Variants in B3GALT5 observed in about 807,000 individuals in gnomAD.
B3GALT5 encodes UDP-Gal:betaGlcNAc beta 1,3-galactosyltransferase, polypeptide 5.
For missense variants in B3GALT5, 328 were observed against 396.6 expected (o/e 0.83, Z 1.47); for synonymous variants, 156 against 158.6 (o/e 0.98, Z 0.12).
intron 1 of B3GALT5, among the ~76,000 whole-genome samples, chr21:39,618,772 T>G (rs1569205269): frequency 6.6e-6 from 1 of 152,198 alleles, no homozygotes; most frequent in Admixed American, 6.5e-5. Flanking sequence ...AGGTTTTCAT[T>G]TTTAATTTGG....
At chr21:39,642,873 C>CAAAAAAAAAAA (rs1210751363) in intron 1 of B3GALT5, among the ~76,000 whole-genome samples, 1 of 100,090 alleles carries the variant, frequency 1.0e-5, no homozygotes, top group African/African-American at 3.3e-5. Context: ...CCCATTGCCA[C>CAAAAAAAAAAA]AAAAAAAAAA....
intron 2 of B3GALT5, among the ~76,000 whole-genome samples, chr21:39,657,037 C>T (rs1569220123): frequency 6.6e-6 from 1 of 151,922 alleles, no homozygotes; most frequent in Non-Finnish European, 1.5e-5. Flanking sequence ...GAGCCTGCAG[C>T]AGGCAGAGGC....
At chr21:39,649,973 C>T (rs920754384) in intron 2 of B3GALT5, among the ~76,000 whole-genome samples, 25 of 152,286 alleles carry the variant, frequency 1.6e-4, no homozygotes, top group African/African-American at 5.5e-4. Flanking sequence ...AGACCTCACG[C>T]ACCACCCTGC....
chr21:39,613,306 C>A (rs1246659486), intron 1 of B3GALT5, among the ~76,000 whole-genome samples: 2 of 152,216 alleles, frequency 1.3e-5, no homozygotes, highest in African/African-American at 4.8e-5. Flanking sequence ...AGTCTTATCG[C>A]TACTCACGCC....
Position 39,661,613 on chromosome 21 carries a change from A to C in B3GALT5, c.*121A>C, listed in dbSNP as rs1212327529. On this transcript the variant is annotated 3_prime_UTR_variant, in exon 4 of 4. Transcript: ENST00000684187. This position sits in a 1 kb window ranked among gnomAD's most constrained non-coding sequence, Gnocchi z 4.7. ...TCTTCAGTGCTGAAATCCACGCCAG[A>C]ATGTCGGTGTTCATGAAGTCACTGA... is the stretch of plus-strand genomic sequence containing the variant. The C allele has an allele frequency of 1.0e-6, 1 of 985,316 alleles. No homozygotes were observed. The highest frequency in any genetic ancestry group is 1.6e-5 in the African/African-American group (1 of 60,972). 61.0% of individuals were successfully genotyped at this position (985,316 alleles called of 1,614,324 possible).
chr21:39,655,927 A>G (rs11088491), intron 2 of B3GALT5, among the ~76,000 whole-genome samples: 13,634 of 152,194 alleles, frequency 0.09, 769 homozygotes, highest in South Asian at 0.15. Flanking sequence ...AGTCTGTACA[A>G]CGAATCCACT....
At position 39,639,347 on chromosome 21, in the gene B3GALT5, T is replaced by TTTCTTTCTTTCTTTCTTTTTTTCC. The variant is rs762994044; in HGVS notation, c.-391-7042_-391-7041insTTTCTTTCTTTCTTTTTTTCCTTC. Reference sequence around the variant, plus strand: ...CTTTCTTTCTTTCTTTCTTTCTTTCTTTCCTTCCTTCCTTCCTTCCTTCCT... The same window carrying TTTCTTTCTTTCTTTCTTTTTTTCC: ...CTTTCTTTCTTTCTTTCTTTCTTTCTTTCTTTCTTTCTTTCTTTTTTTCCTTCCTTCCTTCCTTCCTTCCTTCCT... On this transcript the variant is annotated intron_variant, in intron 1 of 3. Coordinates refer to ENST00000684187, the MANE Select transcript of B3GALT5 (RefSeq NM_001356336.2). 1.5e-4 allele frequency among the ~76,000 whole-genome samples: 10 copies of TTTCTTTCTTTCTTTCTTTTTTTCC among 66,738 alleles called. 1 individual carries two copies. The highest frequency in any genetic ancestry group is 2.1e-4 in the Non-Finnish European group (7 of 34,126). The allele number at this position is 66,738 out of a possible 152,430, so 43.8% of individuals were successfully genotyped here. A position where few individuals can be genotyped will look rare whatever the true frequency, so the allele number is the denominator to read the frequency against.
At position 39,614,261 on chromosome 21, in the gene B3GALT5, TA is replaced by T. The variant is rs1379598598; in HGVS notation, c.-392+1195del. Among the ~76,000 whole-genome samples, 30 of 152,324 alleles carry T rather than the reference TA, an allele frequency of 2.0e-4. No individual in the cohort carries two copies. In the South Asian group the frequency reaches 3.3e-3, roughly 17 times the overall value. The stretch of plus-strand genomic sequence containing the variant: ...ATCTTTTAAGGAATGATTGCATGTG[TA>T]TTAAGTCTTGTTTCCTATCTCCTTT... On this transcript the variant is annotated intron_variant, in intron 1 of 3. Transcript: ENST00000684187.
chr21:39,645,844 G>A (rs780208957), intron 1 of B3GALT5, among the ~76,000 whole-genome samples: 23 of 151,948 alleles, frequency 1.5e-4, no homozygotes, highest in Non-Finnish European at 2.5e-4. Flanking sequence ...GTCCCGACCC[G>A]GGGCAGATCG....
intron 1 of B3GALT5, among the ~76,000 whole-genome samples, chr21:39,636,571 T>A (rs1380595582): frequency 6.6e-6 from 1 of 152,052 alleles, no homozygotes; most frequent in East Asian, 1.9e-4. Context: ...GGAGACAGGC[T>A]CCTGTGGCTT....
intron 1 of B3GALT5, among the ~76,000 whole-genome samples, chr21:39,618,285 A>C (rs553407196): frequency 2.0e-5 from 3 of 152,220 alleles, no homozygotes; most frequent in African/African-American, 7.2e-5. Flanking sequence ...TCTCCTTTGC[A>C]TACATGTTAG....
At chr21:39,645,590 C>A (rs1348936243) in intron 1 of B3GALT5, among the ~76,000 whole-genome samples, 1 of 152,178 alleles carries the variant, frequency 6.6e-6, no homozygotes, top group African/African-American at 2.4e-5. Flanking sequence ...CTCCCCATTT[C>A]ACATCTGTGT....
At chr21:39,640,499 T>C (rs1341052283) in intron 1 of B3GALT5, among the ~76,000 whole-genome samples, 1 of 152,128 alleles carries the variant, frequency 6.6e-6, no homozygotes, top group Non-Finnish European at 1.5e-5. Flanking sequence ...TGTCTCAACA[T>C]AGGAAAACAC....
At chr21:39,623,046 ATTTTC>A (rs960763275) in intron 1 of B3GALT5, among the ~76,000 whole-genome samples, 208 of 151,578 alleles carry the variant, frequency 1.4e-3, no homozygotes, top group Non-Finnish European at 2.3e-3. Context: ...GAACTTGTAA[ATTTTC>A]TTTTCTTTTC....
intron 1 of B3GALT5, among the ~76,000 whole-genome samples, chr21:39,618,444 C>A (rs2079118119): frequency 6.6e-6 from 1 of 152,180 alleles, no homozygotes. Flanking sequence ...TCCACAGCTT[C>A]CCCAACCCTT....
Position 39,669,409 on chromosome 21 carries a change from C to T in B3GALT5, c.*7917C>T, listed in dbSNP as rs762148559. ...AGAAATCCCATGTCAGACATTCATT[C>T]GTTTATTTATTCATCTGTTGAGTGC... On this transcript the variant is annotated 3_prime_UTR_variant, in exon 4 of 4. Transcript: ENST00000684187. 6 of 152,202 alleles carry T rather than the reference C, an allele frequency of 3.9e-5. No homozygotes were observed. Among genetic ancestry groups the T allele is most frequent in the East Asian group, 3.9e-4 (2 of 5,182 alleles). The allele number at this position is 152,202 out of a possible 1,614,324, so 9.4% of individuals were successfully genotyped here. A position where few individuals can be genotyped will look rare whatever the true frequency, so the allele number is the denominator to read the frequency against.
At chr21:39,630,497 G>A (rs1301962816) in intron 1 of B3GALT5, 1 of 149,998 alleles carries the variant, frequency 6.7e-6, no homozygotes, top group Middle Eastern at 3.2e-3. Flanking sequence ...TTGGGTGAGT[G>A]CAATATCTCT....
chr21:39,658,034 C>T lies in B3GALT5; in HGVS notation c.-160-1719C>T, dbSNP rs1030348523. 6.8e-6 allele frequency: 5 copies of T among 733,922 alleles called. No individual in the cohort carries two copies. In the African/African-American group the frequency reaches 9.1e-5, roughly 13 times the overall value. 45.5% of individuals were successfully genotyped at this position (733,922 alleles called of 1,614,324 possible). A position where few individuals can be genotyped will look rare whatever the true frequency, so the allele number is the denominator to read the frequency against. On this transcript the variant is annotated intron_variant, in intron 2 of 3. Coordinates refer to ENST00000684187, the MANE Select transcript of B3GALT5 (RefSeq NM_001356336.2). ...GGACACAGGCTGCCCTTTCCAGGCTCTGTCTGCTGGTGCTGCAGGTGCCCC... is the reference window on the plus strand; with the variant it reads ...GGACACAGGCTGCCCTTTCCAGGCTTTGTCTGCTGGTGCTGCAGGTGCCCC...
chr21:39,634,411 A>G (rs2079212565), intron 1 of B3GALT5, among the ~76,000 whole-genome samples: 1 of 152,090 alleles, frequency 6.6e-6, no homozygotes, highest in Non-Finnish European at 1.5e-5. Flanking sequence ...GGTGGGGAAA[A>G]TCACTGTCTG....
Sources: gnomAD v4.1 joint callset for allele counts (sites outside exome capture counted in the v4.1 genomes callset) on GRCh38, gnomAD v4.1.1 for gene constraint, Gnocchi (gnomAD v3.1) non-coding constraint, MANE v1.5 for transcripts, NCBI Gene and HGNC (gene_info 2026-07-23, HGNC 2026-07-21) for gene names.